Variants in GLRA3 observed in about 807,000 individuals in gnomAD.
GLRA3 encodes the protein glycine receptor subunit alpha-3.
In GLRA3, 44 loss-of-function variants were observed where a neutral mutation model predicts 60.4. That is an observed-to-expected ratio of 0.73 (90% CI 0.57 to 0.94). The LOEUF (loss-of-function observed/expected upper bound fraction) is 0.94, where lower values mean the gene tolerates loss of function less well. Among genes scored for constraint, GLRA3 ranks in the 40% least tolerant of loss-of-function variants. The probability of loss-of-function intolerance (pLI) is 0.00; values close to 1 mark genes in which losing one functional copy is unlikely to be tolerated. For synonymous variants in GLRA3, 223 were observed against 192.9 expected (o/e 1.16, Z -1.29); for missense variants, 508 against 564.6 (o/e 0.90, Z 1.02).
chr4:174,756,679 C>G (rs1001019561), intron 3 of GLRA3, among the ~76,000 whole-genome samples: 4 of 147,580 alleles, frequency 2.7e-5, no homozygotes, highest in Admixed American at 6.8e-5. Flanking sequence ...GAGTCTCGCT[C>G]TTTTGCCCAG....
intron 3 of GLRA3, among the ~76,000 whole-genome samples, chr4:174,743,374 G>C (rs542660517): frequency 4.6e-4 from 70 of 152,036 alleles, no homozygotes; most frequent in African/African-American, 1.6e-3. Context: ...CTTCTAATCT[G>C]TGACAGCCCC....
At chr4:174,771,227 T>G (rs1001704530) in intron 2 of GLRA3, among the ~76,000 whole-genome samples, 2 of 151,968 alleles carry the variant, frequency 1.3e-5, no homozygotes, top group Non-Finnish European at 2.9e-5. Flanking sequence ...AAACTTAAAG[T>G]ATAATAATGA....
rs1029086691 is a variant in GLRA3, at chr4:174,698,638, A to C, written c.575-15699T>G. Reference sequence around the variant, plus strand: ...ACTTCAAATTCATATTGCTGGAAGCATTTGAAGAGTATTATTATGAAAAAG... The same window carrying C: ...ACTTCAAATTCATATTGCTGGAAGCCTTTGAAGAGTATTATTATGAAAAAG... On this transcript the variant is annotated intron_variant, in intron 5 of 9. Coordinates refer to ENST00000274093, the MANE Select transcript of GLRA3 (RefSeq NM_006529.4). Among the ~76,000 whole-genome samples, 4 of 152,366 alleles carry C rather than the reference A, an allele frequency of 2.6e-5. No homozygotes were observed. The South Asian group carries it at 8.3e-4, about 32-fold the overall frequency.
intron 1 of GLRA3, among the ~76,000 whole-genome samples, chr4:174,821,826 T>G (rs1221929175): frequency 6.6e-6 from 1 of 152,196 alleles, no homozygotes; most frequent in Non-Finnish European, 1.5e-5. Context: ...TAATATCTTC[T>G]AAGGAGATTG....
Position 174,795,320 on chromosome 4 carries a change from T to C in GLRA3, c.72-6377A>G, listed in dbSNP as rs151248944. Among the ~76,000 whole-genome samples the C allele has an allele frequency of 1.0e-3, 153 of 152,134 alleles. 1 individual carries two copies. Among genetic ancestry groups the C allele is most frequent in the African/African-American group, 3.3e-3 (138 of 41,566 alleles). On this transcript the variant is annotated intron_variant, in intron 1 of 9. Transcript: ENST00000274093. Reference sequence around the variant, plus strand: ...TCTCTGAAAACAGTTATATATTTTATAGTCAAATGTCCCATTATTTTTTTC... The same window carrying C: ...TCTCTGAAAACAGTTATATATTTTACAGTCAAATGTCCCATTATTTTTTTC...
At chr4:174,667,517 CA>C in intron 7 of GLRA3, among the ~76,000 whole-genome samples, 1 of 152,034 alleles carries the variant, frequency 6.6e-6, no homozygotes, top group East Asian at 1.9e-4. Context: ...GATTTTCTGC[CA>C]AAAATTTCAT....
chr4:174,692,055 G>C (rs1734845649), intron 5 of GLRA3, among the ~76,000 whole-genome samples: 1 of 151,880 alleles, frequency 6.6e-6, no homozygotes, highest in Non-Finnish European at 1.5e-5. Flanking sequence ...CCCCGTCTGG[G>C]AGGTGAGGAG....
At chr4:174,792,650 C>G (rs1739401418) in intron 1 of GLRA3, among the ~76,000 whole-genome samples, 1 of 152,074 alleles carries the variant, frequency 6.6e-6, no homozygotes, top group African/African-American at 2.4e-5. Flanking sequence ...TATTGTGTGC[C>G]CACACTATTA....
At chr4:174,673,948 A>C (rs970311884) in intron 7 of GLRA3, among the ~76,000 whole-genome samples, 19 of 152,138 alleles carry the variant, frequency 1.2e-4, no homozygotes, top group African/African-American at 4.6e-4. Context: ...TTCAATTCAT[A>C]AGCAAATCCT....
chr4:174,792,208 T>C (rs1428717798), intron 1 of GLRA3, among the ~76,000 whole-genome samples: 1 of 152,170 alleles, frequency 6.6e-6, no homozygotes, highest in Non-Finnish European at 1.5e-5. Flanking sequence ...TGACATAGTA[T>C]CAAGAACAGG....
intron 5 of GLRA3, among the ~76,000 whole-genome samples, chr4:174,701,918 T>A (rs1335167477): frequency 6.6e-6 from 1 of 152,158 alleles, no homozygotes; most frequent in Non-Finnish European, 1.5e-5. Flanking sequence ...AAGAAAGTGG[T>A]TTCTTGAGAT....
chr4:174,663,295 G>A (rs1246501079), intron 7 of GLRA3, among the ~76,000 whole-genome samples: 1 of 152,056 alleles, frequency 6.6e-6, no homozygotes, highest in Non-Finnish European at 1.5e-5. Flanking sequence ...CATAAATTCT[G>A]TAATTCGGCC....
intron 2 of GLRA3, among the ~76,000 whole-genome samples, chr4:174,785,542 A>G (rs931039429): frequency 1.3e-5 from 2 of 152,134 alleles, no homozygotes; most frequent in African/African-American, 4.8e-5. Flanking sequence ...CGTTTCTGTT[A>G]ATTGTCTGAT....
chr4:174,802,301 T>C (rs1579632409), intron 1 of GLRA3, among the ~76,000 whole-genome samples: 1 of 152,170 alleles, frequency 6.6e-6, no homozygotes, highest in Non-Finnish European at 1.5e-5. Flanking sequence ...GTCTTAAAAC[T>C]TGAGACTTAC....
chr4:174,778,144 G>T (rs779505572), intron 2 of GLRA3, among the ~76,000 whole-genome samples: 2 of 152,026 alleles, frequency 1.3e-5, no homozygotes, highest in African/African-American at 4.8e-5. Context: ...GTTAGGCAGT[G>T]CCTCCCAGTG....
At chr4:174,657,201 T>G (rs1733242188) in intron 8 of GLRA3, among the ~76,000 whole-genome samples, 1 of 152,164 alleles carries the variant, frequency 6.6e-6, no homozygotes, top group Non-Finnish European at 1.5e-5. Flanking sequence ...AAAGAGGCAC[T>G]TTGGTAAAAA....
chr4:174,754,264 C>A (rs1561097071), intron 3 of GLRA3, among the ~76,000 whole-genome samples: 1 of 152,068 alleles, frequency 6.6e-6, no homozygotes, highest in Non-Finnish European at 1.5e-5. Context: ...TTGCAAGCAT[C>A]CCCATAAATA....
intron 8 of GLRA3, among the ~76,000 whole-genome samples, chr4:174,657,038 T>C (rs1439515652): frequency 6.6e-6 from 1 of 152,160 alleles, no homozygotes; most frequent in African/African-American, 2.4e-5. Context: ...CAAGTAGTTA[T>C]CAGAAAATAA....
At chr4:174,801,327 A>G (rs533073611) in intron 1 of GLRA3, among the ~76,000 whole-genome samples, 1 of 152,178 alleles carries the variant, frequency 6.6e-6, no homozygotes, top group East Asian at 1.9e-4. Context: ...CCAGTCTAAT[A>G]GTTTCAGACA....
Sources: gnomAD v4.1 joint callset for allele counts (sites outside exome capture counted in the v4.1 genomes callset) on GRCh38, gnomAD v4.1.1 for gene constraint, MANE v1.5 for transcripts, NCBI Gene and HGNC (gene_info 2026-07-23, HGNC 2026-07-21) for gene names.